The following CPNE8 variants were observed in gnomAD, a reference collection of about 807,000 sequenced individuals.
CPNE8 encodes copine 8, also known as copine-8.
CPNE8 carries 45 observed loss-of-function variants against 81.5 expected under a neutral mutation model. The ratio of observed to expected loss-of-function variants is 0.55; its 90% CI spans 0.44 to 0.71. CPNE8 has a LOEUF of 0.71. Among genes scored for constraint, CPNE8 ranks in the 30% least tolerant of loss-of-function variants. The probability of loss-of-function intolerance (pLI) is 0.00; values close to 1 mark genes in which losing one functional copy is unlikely to be tolerated. For synonymous variants in CPNE8, 252 were observed against 226.3 expected, an observed-to-expected ratio of 1.11 and a Z score of -1.02; for missense variants, 594 against 672.1, an observed-to-expected ratio of 0.88 and a Z score of 1.28.
chr12:38,836,714 A>G (rs1032533430), intron 5 of CPNE8, among the ~76,000 whole-genome samples: 7 of 152,190 alleles, frequency 4.6e-5, no homozygotes, highest in African/African-American at 1.7e-4. Flanking sequence ...GTAGACAACA[A>G]CAGTCTTAAT....
chr12:38,817,876 G>A (rs1422730261), intron 6 of CPNE8, among the ~76,000 whole-genome samples: 1 of 152,028 alleles, frequency 6.6e-6, no homozygotes, highest in Non-Finnish European at 1.5e-5. Flanking sequence ...TCCTGCCTTG[G>A]CCTCCCAAAG....
chr12:38,808,492 C>T (rs770310465), intron 6 of CPNE8, among the ~76,000 whole-genome samples: 4 of 151,016 alleles, frequency 2.6e-5, no homozygotes, highest in Non-Finnish European at 4.4e-5. Context: ...TCTCAGTCAA[C>T]TATCACAAGA....
At chr12:38,868,566 G>C (rs1466662052) in intron 3 of CPNE8, among the ~76,000 whole-genome samples, 1 of 152,072 alleles carries the variant, frequency 6.6e-6, no homozygotes, top group Non-Finnish European at 1.5e-5. Flanking sequence ...CTTTCCTGAT[G>C]AATCAATGCA....
At chr12:38,659,591 C>T (rs1189569868) in intron 19 of CPNE8, among the ~76,000 whole-genome samples, 1 of 152,140 alleles carries the variant, frequency 6.6e-6, no homozygotes, top group Non-Finnish European at 1.5e-5. Flanking sequence ...CAACAGAATA[C>T]ACATTCTTCT....
At chr12:38,902,654 A>G (rs1247686176) in intron 1 of CPNE8, among the ~76,000 whole-genome samples, 3 of 152,194 alleles carry the variant, frequency 2.0e-5, no homozygotes, top group Non-Finnish European at 4.4e-5. Context: ...CTTGATGCAC[A>G]TCAAAGAAGA....
intron 6 of CPNE8, among the ~76,000 whole-genome samples, chr12:38,817,254 A>T (rs1943041196): frequency 6.6e-6 from 1 of 152,230 alleles, no homozygotes; most frequent in African/African-American, 2.4e-5. Context: ...CAAAACAATG[A>T]TTTTCCAAAT....
chr12:38,705,544 C>G (rs1940083309), intron 13 of CPNE8, among the ~76,000 whole-genome samples: 1 of 152,086 alleles, frequency 6.6e-6, no homozygotes, highest in South Asian at 2.1e-4. Context: ...GAGCATAACA[C>G]TAACCAGCAT....
At chr12:38,659,888 T>C (rs912509242) in intron 19 of CPNE8, among the ~76,000 whole-genome samples, 7 of 152,018 alleles carry the variant, frequency 4.6e-5, no homozygotes, top group Admixed American at 2.0e-4. Flanking sequence ...AATAAAATAT[T>C]TAGGAATCCA....
chr12:38,717,458 T>TATATAC (rs1339046227), intron 13 of CPNE8, among the ~76,000 whole-genome samples: 8 of 138,736 alleles, frequency 5.8e-5, no homozygotes, highest in South Asian at 2.3e-4. Context: ...TATATATATA[T>TATATAC]ACACCATGGA....
At chr12:38,657,560 AC>A (rs1419446750) in intron 19 of CPNE8, among the ~76,000 whole-genome samples, 1 of 152,148 alleles carries the variant, frequency 6.6e-6, no homozygotes, top group Non-Finnish European at 1.5e-5. Context: ...CTGAGAACGA[AC>A]AGACTGCCTC....
chr12:38,679,347 A>G (rs1939361398), intron 16 of CPNE8, among the ~76,000 whole-genome samples: 1 of 151,944 alleles, frequency 6.6e-6, no homozygotes, highest in African/African-American at 2.4e-5. Context: ...TATTCACACT[A>G]TAAGAGAGTT....
At chr12:38,785,369 AC>A (rs933220332) in intron 6 of CPNE8, among the ~76,000 whole-genome samples, 3 of 151,888 alleles carry the variant, frequency 2.0e-5, no homozygotes, top group Non-Finnish European at 4.4e-5. Flanking sequence ...AAAAAAAAAA[AC>A]ATGATATGGT....
intron 3 of CPNE8, among the ~76,000 whole-genome samples, chr12:38,865,476 G>A (rs1266407143): frequency 6.6e-6 from 1 of 152,196 alleles, no homozygotes; most frequent in African/African-American, 2.4e-5. Flanking sequence ...ATTGCCGCAG[G>A]CATGGATAGA....
intron 10 of CPNE8, among the ~76,000 whole-genome samples, chr12:38,747,415 T>C (rs1425874349): frequency 1.3e-5 from 2 of 152,202 alleles, no homozygotes; most frequent in Non-Finnish European, 2.9e-5. Context: ...TTATTTATAA[T>C]GTGGACATTT....
chr12:38,796,861 A>G (rs1200634090), intron 6 of CPNE8, among the ~76,000 whole-genome samples: 4 of 152,190 alleles, frequency 2.6e-5, no homozygotes, highest in South Asian at 4.2e-4. Flanking sequence ...CGCTTTTCCG[A>G]CGGGCTTAAA....
chr12:38,842,694 G>C (rs1392347051), intron 4 of CPNE8, among the ~76,000 whole-genome samples: 1 of 147,962 alleles, frequency 6.8e-6, no homozygotes, highest in Non-Finnish European at 1.5e-5. Flanking sequence ...TCCTGCCTCA[G>C]CCTCCAGAGT....
chr12:38,847,809 G>C (rs187458308), intron 4 of CPNE8, among the ~76,000 whole-genome samples: 1 of 152,236 alleles, frequency 6.6e-6, no homozygotes, highest in Admixed American at 6.5e-5. Flanking sequence ...AATTGTAAAA[G>C]TATGGTACAT....
chr12:38,904,449 G>T (rs1239006758), intron 1 of CPNE8, among the ~76,000 whole-genome samples: 1 of 150,512 alleles, frequency 6.6e-6, no homozygotes, highest in Non-Finnish European at 1.5e-5. Flanking sequence ...TCTGGACAGG[G>T]TTGAAAGTCA....
At chr12:38,793,763 C>A (rs1942386395) in intron 6 of CPNE8, among the ~76,000 whole-genome samples, 1 of 151,780 alleles carries the variant, frequency 6.6e-6, no homozygotes, top group South Asian at 2.1e-4. Flanking sequence ...TCCAAATAGC[C>A]AAAGCAACTG....
Sources: gnomAD v4.1 joint callset for allele counts (sites outside exome capture counted in the v4.1 genomes callset) on GRCh38, gnomAD v4.1.1 for gene constraint, MANE v1.5 for transcripts, NCBI Gene and HGNC (gene_info 2026-07-23, HGNC 2026-07-21) for gene names.